RNF182: variants seen among roughly 807,000 people sequenced by gnomAD.
The protein encoded by RNF182 is ring finger protein 182, also known as E3 ubiquitin-protein ligase RNF182.
A neutral mutation model predicts 14.4 loss-of-function variants in RNF182; 15 were observed. The ratio of observed to expected loss-of-function variants is 1.04; its 90% CI spans 0.70 to 1.60. The LOEUF (loss-of-function observed/expected upper bound fraction) is 1.60. Ranked by LOEUF, RNF182 falls within the 40% of genes most tolerant of loss-of-function variation. The probability of loss-of-function intolerance (pLI) is 0.00; values close to 1 mark genes in which losing one functional copy is unlikely to be tolerated. For synonymous variants in RNF182, 128 were observed against 122.9 expected, an observed-to-expected ratio of 1.04 and a Z score of -0.27; for missense variants, 268 against 294.8, an observed-to-expected ratio of 0.91 and a Z score of 0.67.
At chr6:13,948,794 C>T (rs192081282) in intron 1 of RNF182, among the ~76,000 whole-genome samples, 4 of 152,218 alleles carry the variant, frequency 2.6e-5, no homozygotes, top group African/African-American at 7.2e-5. Flanking sequence ...AGGCAAAAAC[C>T]TTTACCCATT....
At chr6:13,956,213 T>C (rs1214133203) in intron 1 of RNF182, among the ~76,000 whole-genome samples, 1 of 152,208 alleles carries the variant, frequency 6.6e-6, no homozygotes, top group Non-Finnish European at 1.5e-5. Flanking sequence ...TGATTCCAAA[T>C]CTTGGCTATT....
intron 1 of RNF182, among the ~76,000 whole-genome samples, chr6:13,944,709 T>G (rs1285068890): frequency 1.3e-5 from 2 of 152,206 alleles, no homozygotes; most frequent in African/African-American, 2.4e-5. Flanking sequence ...ACTTAATCCT[T>G]TCAATACACC....
In RNF182 at chr6:13,951,450, G is replaced by A. The variant is rs143735413; in HGVS notation, c.-366-22760G>A. 2.5e-3 allele frequency among the ~76,000 whole-genome samples: 382 copies of A among 152,282 alleles called. 1 individual carries two copies. The highest frequency in any genetic ancestry group is 8.4e-3 in the African/African-American group (350 of 41,558). On this transcript the variant is annotated intron_variant, in intron 1 of 2. Transcript: ENST00000488300. Reference sequence around the variant, plus strand: ...TCTCAGTTGGGGTGGGGACATTTCCGTACCTTCCAGGTGGTCAAGAACATG... The same window carrying A: ...TCTCAGTTGGGGTGGGGACATTTCCATACCTTCCAGGTGGTCAAGAACATG...
chr6:13,935,270 T>G (rs569777920), intron 1 of RNF182, among the ~76,000 whole-genome samples: 2 of 152,176 alleles, frequency 1.3e-5, no homozygotes, highest in South Asian at 4.2e-4. Context: ...CCATCGTCAC[T>G]AGACTGTAAG....
intron 1 of RNF182, among the ~76,000 whole-genome samples, chr6:13,926,880 G>A (rs919075601): frequency 3.3e-5 from 5 of 151,722 alleles, no homozygotes; most frequent in African/African-American, 1.2e-4. Flanking sequence ...GACTTGGTCC[G>A]TGCTTTCTGC....
Position 13,925,886 on chromosome 6 carries a change from C to T in RNF182, c.-367+863C>T, listed in dbSNP as rs554611746. 2.6e-5 allele frequency among the ~76,000 whole-genome samples: 4 copies of T among 152,266 alleles called. No individual in the cohort carries two copies. The East Asian group carries it at 7.7e-4, about 29-fold the overall frequency. On this transcript the variant is annotated intron_variant, in intron 1 of 2. Transcript: ENST00000488300. ...CACTGGATAGGTTATAGGTACCTTT[C>T]TCAGTGGCCCCAACCCTTGCAATCA...
chr6:13,968,152 A>C (rs1285640237), intron 1 of RNF182, among the ~76,000 whole-genome samples: 1 of 152,230 alleles, frequency 6.6e-6, no homozygotes, highest in African/African-American at 2.4e-5. Flanking sequence ...TACATATATT[A>C]GTTGGTCTTT....
At chr6:13,973,228 A>C (rs1280798242) in intron 1 of RNF182, among the ~76,000 whole-genome samples, 1 of 152,144 alleles carries the variant, frequency 6.6e-6, no homozygotes, top group Non-Finnish European at 1.5e-5. Flanking sequence ...CTGTACCCCC[A>C]TTATATCTGG....
intron 1 of RNF182, among the ~76,000 whole-genome samples, chr6:13,950,604 C>A (rs1391914299): frequency 2.7e-5 from 4 of 146,600 alleles, no homozygotes; most frequent in Non-Finnish European, 6.0e-5. Flanking sequence ...TTCAACAATT[C>A]TCGTGCCTCA....
At chr6:13,971,469 A>G (rs1291731180) in intron 1 of RNF182, among the ~76,000 whole-genome samples, 1 of 152,136 alleles carries the variant, frequency 6.6e-6, no homozygotes, top group Non-Finnish European at 1.5e-5. Context: ...TTAGCGTAAG[A>G]ATCAACTAAT....
Position 13,978,820 on chromosome 6 carries a change from T to C in RNF182, c.*957T>C, listed in dbSNP as rs1217762887. 1 of 167,120 alleles carries C rather than the reference T, an allele frequency of 6.0e-6. No individual in the cohort carries two copies. The highest frequency in any genetic ancestry group is 2.4e-5 in the African/African-American group (1 of 41,462). 10.4% of individuals were successfully genotyped at this position (167,120 alleles called of 1,614,324 possible). Reference sequence around the variant, plus strand: ...TTAGGATTTACTTAACTGAATCTTATAACAATTCGAGGTGAACTGTGGCAA... The same window carrying C: ...TTAGGATTTACTTAACTGAATCTTACAACAATTCGAGGTGAACTGTGGCAA... On this transcript the variant is annotated 3_prime_UTR_variant, in exon 3 of 3. Coordinates refer to ENST00000488300, the MANE Select transcript of RNF182 (RefSeq NM_152737.4).
intron 1 of RNF182, among the ~76,000 whole-genome samples, chr6:13,936,578 G>T (rs1000743137): frequency 2.0e-5 from 3 of 152,224 alleles, no homozygotes; most frequent in African/African-American, 7.2e-5. Flanking sequence ...GTAACACTGT[G>T]CTAGGCACTA....
intron 1 of RNF182, chr6:13,961,669 G>A (rs1759887264): frequency 1.3e-5 from 2 of 152,132 alleles, no homozygotes; most frequent in African/African-American, 2.4e-5. Flanking sequence ...AAAAATAGTG[G>A]CCTCTCTTCC....
chr6:13,946,140 CATTATTATTATTATT>C (rs200937239), intron 1 of RNF182, among the ~76,000 whole-genome samples: 2 of 137,414 alleles, frequency 1.5e-5, no homozygotes, highest in Non-Finnish European at 3.1e-5. Flanking sequence ...TAAAGCAAAA[CATTATTATTATTATT>C]ATTATTATTA....
At position 13,940,426 on chromosome 6, in the gene RNF182, A is replaced by G. The variant is rs114320307; in HGVS notation, c.-367+15403A>G. On this transcript the variant is annotated intron_variant, in intron 1 of 2. Transcript: ENST00000488300. Reference sequence around the variant, plus strand: ...TTTGTTTGAGAATTTGTCTATGTTTAGGAGAGAGATTGGTGTAAGTAGCTG... The same window carrying G: ...TTTGTTTGAGAATTTGTCTATGTTTGGGAGAGAGATTGGTGTAAGTAGCTG... 6.0e-3 allele frequency among the ~76,000 whole-genome samples: 917 copies of G among 152,290 alleles called. 11 individuals carry two copies. Among genetic ancestry groups the G allele is most frequent in the African/African-American group, 0.021 (873 of 41,568 alleles).
chr6:13,970,327 A>G (rs1403268992), intron 1 of RNF182, among the ~76,000 whole-genome samples: 2 of 152,102 alleles, frequency 1.3e-5, no homozygotes, highest in Non-Finnish European at 2.9e-5. Context: ...AAAGTTTTTT[A>G]GCTCCCATAT....
chr6:13,962,703 A>G (rs971951121), intron 1 of RNF182, among the ~76,000 whole-genome samples: 1 of 152,240 alleles, frequency 6.6e-6, no homozygotes, highest in Non-Finnish European at 1.5e-5. Flanking sequence ...TTTATTTTCC[A>G]GGATGGGAGG....
At chr6:13,974,476 C>CT (rs1319249740) in intron 2 of RNF182, 112 bp downstream of exon 2, 3 of 152,202 alleles carry the variant, frequency 2.0e-5, no homozygotes, top group Non-Finnish European at 4.4e-5. Context: ...ACATAACACT[C>CT]TATCTTAACA....
intron 1 of RNF182, among the ~76,000 whole-genome samples, chr6:13,939,494 A>G (rs1029748925): frequency 7.9e-5 from 12 of 151,786 alleles, no homozygotes; most frequent in African/African-American, 2.7e-4. Flanking sequence ...TTTCTTGTGT[A>G]TATAAATACA....
Sources: allele counts gnomAD v4.1 joint callset (sites outside exome capture counted in the v4.1 genomes callset), GRCh38; gene constraint gnomAD v4.1.1; transcripts MANE v1.5; gene names NCBI Gene and HGNC (gene_info 2026-07-23, HGNC 2026-07-21).